CYP27A1: variants seen among roughly 807,000 people sequenced by gnomAD.
CYP27A1 encodes sterol 26-hydroxylase, mitochondrial.
CYP27A1 carries 46 observed loss-of-function variants against 58.2 expected under a neutral mutation model. That is an observed-to-expected ratio of 0.79 (90% CI 0.62 to 1.01). The LOEUF is 1.01. Ranked by LOEUF, CYP27A1 falls within the 50% of genes least tolerant of loss-of-function variation. The probability of loss-of-function intolerance (pLI) is 0.00; values close to 1 mark genes in which losing one functional copy is unlikely to be tolerated. For missense variants in CYP27A1, 704 were observed against 687.0 expected (o/e 1.02, Z -0.28); for synonymous variants, 274 against 285.1 (o/e 0.96, Z 0.39).
At position 218,814,670 on chromosome 2, in the gene CYP27A1, A is replaced by C; in HGVS notation, c.1389A>C (p.Pro463=). 3 of 1,614,062 alleles carry C rather than the reference A, an allele frequency of 1.9e-6. No homozygotes were observed. Among genetic ancestry groups the C allele is most frequent in the African/African-American group, 1.3e-5 (1 of 75,000 alleles). ...SQPATPRIQH[P]FGSVPFGYGV... Reference sequence around the variant, plus strand: ...CTGCTACCCCCAGGATCCAGCACCCATTTGGCTCTGTGCCCTTTGGCTATG... The same window carrying C: ...CTGCTACCCCCAGGATCCAGCACCCCTTTGGCTCTGTGCCCTTTGGCTATG... The change falls in exon 8 of 9, where the codon CCA becomes CCC. Residue 463 remains proline, a synonymous_variant. Coordinates refer to ENST00000258415, the MANE Select transcript of CYP27A1 (RefSeq NM_000784.4).
At position 218,814,743 on chromosome 2, in the gene CYP27A1, C is replaced by T. The variant is rs1943770169; in HGVS notation, c.1462C>T (p.Leu488=). The part of the protein sequence containing the change: ...GRRIAELEMQ[L]LLARLIQKYK... ...CAGGATTGCAGAGCTGGAGATGCAG[C>T]TACTCCTCGCAAGGGTGAGCTGGGA... The change falls in exon 8 of 9, where the codon CTA becomes TTA. Residue 488 remains leucine, a synonymous_variant. Coordinates refer to ENST00000258415, the MANE Select transcript of CYP27A1 (RefSeq NM_000784.4). 6.2e-7 allele frequency: 1 copy of T among 1,614,132 alleles called. No individual in the cohort carries two copies. Among genetic ancestry groups the T allele is most frequent in the Non-Finnish European group, 8.5e-7 (1 of 1,180,028 alleles).
At chr2:218,799,624 G>A (rs1336367501) in intron 1 of CYP27A1, among the ~76,000 whole-genome samples, 1 of 151,918 alleles carries the variant, frequency 6.6e-6, no homozygotes, top group Non-Finnish European at 1.5e-5. Context: ...CTTTCTCTCG[G>A]GTAACCTCAC....
At chr2:218,801,513 A>T (rs923926519) in intron 1 of CYP27A1, among the ~76,000 whole-genome samples, 1 of 151,574 alleles carries the variant, frequency 6.6e-6, no homozygotes, top group Non-Finnish European at 1.5e-5. Context: ...CTCAAAAAAA[A>T]CCCAAAAAAC....
chr2:218,786,595 T>C (rs187944700), intron 1 of CYP27A1, among the ~76,000 whole-genome samples: 1 of 152,248 alleles, frequency 6.6e-6, no homozygotes, highest in East Asian at 1.9e-4. Flanking sequence ...TATGTTGCAT[T>C]TATGCCAAAT....
At chr2:218,787,826 C>T (rs1943454434) in intron 1 of CYP27A1, among the ~76,000 whole-genome samples, 1 of 152,156 alleles carries the variant, frequency 6.6e-6, no homozygotes, top group South Asian at 2.1e-4. Flanking sequence ...ATTACCCAGC[C>T]TCAGATATTC....
At chr2:218,783,550 C>G (rs1034677395) in intron 1 of CYP27A1, among the ~76,000 whole-genome samples, 7 of 152,272 alleles carry the variant, frequency 4.6e-5, no homozygotes, top group Admixed American at 4.6e-4. Context: ...AGGCATGGTT[C>G]CAAGTACTGG....
intron 1 of CYP27A1, among the ~76,000 whole-genome samples, chr2:218,789,804 C>A (rs1579401): frequency 0.15 from 22,982 of 152,106 alleles, 3,439 homozygotes; most frequent in African/African-American, 0.39. Context: ...TTTATTTGGT[C>A]TTGGAACCCA....
intron 6 of CYP27A1, 65 bp downstream of exon 6, chr2:218,814,252 A>G (rs1216601671): frequency 1.9e-6 from 3 of 1,610,464 alleles, no homozygotes; most frequent in African/African-American, 2.7e-5. Context: ...AGAGGAGGAA[A>G]TCTGAAGTGA....
intron 5 of CYP27A1, 47 bp from the exon 6 acceptor site, chr2:218,813,974 T>C (rs1276999752): frequency 6.2e-7 from 1 of 1,611,504 alleles, no homozygotes; most frequent in Non-Finnish European, 8.5e-7. Context: ...ATTACTGGCC[T>C]CTTTCCTAGA....
rs370868184 is a variant in CYP27A1 at position 218,814,624 on chromosome 2, G to A, written c.1343G>A (p.Arg448His). Residue 448 changes from arginine (R) to histidine (H), a missense_variant, in exon 8 of 9, where the codon CGC becomes CAC. By Grantham distance (29) the Arg-to-His change is conservative (BLOSUM62 0). Coordinates refer to ENST00000258415, the MANE Select transcript of CYP27A1 (RefSeq NM_000784.4). ...FSEPESFQPH[R>H]WLRNSQPATP... ...GAGCCTGAAAGCTTCCAGCCCCACC[G>A]CTGGCTGAGAAACAGCCAGCCTGCT... 92 of 1,614,068 alleles carry A rather than the reference G, an allele frequency of 5.7e-5. No homozygotes were observed. Among genetic ancestry groups the A allele is most frequent in the African/African-American group, 4.1e-4 (31 of 74,928 alleles).
In CYP27A1 at chr2:218,796,061, T is replaced by C. The variant is rs898485955; in HGVS notation, c.256-13516T>C. ...CTCCTGGGCCTGTTAGAAAGTGACA[T>C]TCTTTACTGACCACGGGTCAGGAAC... On this transcript the variant is annotated intron_variant, in intron 1 of 8. Coordinates refer to ENST00000258415, the MANE Select transcript of CYP27A1 (RefSeq NM_000784.4). Among the ~76,000 whole-genome samples the C allele has an allele frequency of 5.9e-5, 9 of 152,284 alleles. No homozygotes were observed. The East Asian group carries it at 1.5e-3, about 26-fold the overall frequency.
intron 1 of CYP27A1, among the ~76,000 whole-genome samples, chr2:218,805,464 G>T (rs1299095750): frequency 1.3e-5 from 2 of 152,292 alleles, no homozygotes; most frequent in Non-Finnish European, 1.5e-5. Context: ...TTTCAATTTA[G>T]TTGAAGAGAC....
intron 1 of CYP27A1, among the ~76,000 whole-genome samples, chr2:218,799,486 G>C (rs924176013): frequency 1.3e-5 from 2 of 152,068 alleles, no homozygotes; most frequent in Non-Finnish European, 2.9e-5. Flanking sequence ...CCAAAGAACT[G>C]CCTCAAACTC....
chr2:218,808,098 A>G (rs372917341), intron 1 of CYP27A1, among the ~76,000 whole-genome samples: 10 of 152,164 alleles, frequency 6.6e-5, no homozygotes, highest in African/African-American at 1.9e-4. Flanking sequence ...TTAAGGTGAC[A>G]TAGTATTTCA....
chr2:218,802,247 C>T (rs745364253), intron 1 of CYP27A1, among the ~76,000 whole-genome samples: 1 of 151,596 alleles, frequency 6.6e-6, no homozygotes, highest in Non-Finnish European at 1.5e-5. Flanking sequence ...CTCCCTTGTC[C>T]AAGTGTGCGC....
In CYP27A1 at chr2:218,782,514, G is replaced by T. The variant is rs955051821; in HGVS notation, c.255+77G>T. On this transcript the variant is annotated intron_variant, in intron 1 of 8. Transcript: ENST00000258415. This position sits in a 1 kb window ranked among gnomAD's most constrained non-coding sequence, Gnocchi z 4.1. Reference sequence around the variant, plus strand: ...AGAGGCTAGAGGTGAGAAGACGTTGGACAGAAAGTGAAGGCTGCAGGAACT... The same window carrying T: ...AGAGGCTAGAGGTGAGAAGACGTTGTACAGAAAGTGAAGGCTGCAGGAACT... The T allele has an allele frequency of 1.9e-6, 3 of 1,586,124 alleles. No homozygotes were observed. Among genetic ancestry groups the T allele is most frequent in the South Asian group, 1.1e-5 (1 of 89,970 alleles).
At chr2:218,794,008 A>G (rs926651820) in intron 1 of CYP27A1, among the ~76,000 whole-genome samples, 65 of 152,342 alleles carry the variant, frequency 4.3e-4, no homozygotes, top group Non-Finnish European at 6.8e-4. Context: ...GCGGACACAT[A>G]GAAGGGTGAG....
intron 1 of CYP27A1, among the ~76,000 whole-genome samples, chr2:218,788,348 G>A (rs998326891): frequency 2.0e-5 from 3 of 152,164 alleles, no homozygotes; most frequent in Admixed American, 1.3e-4. Context: ...TCCAAGAGAC[G>A]GAAAGTAGTA....
chr2:218,792,078 C>T (rs961313081), intron 1 of CYP27A1, among the ~76,000 whole-genome samples: 1 of 152,070 alleles, frequency 6.6e-6, no homozygotes, highest in African/African-American at 2.4e-5. Flanking sequence ...CACACACACA[C>T]ACACACATTT....
Sources: allele counts gnomAD v4.1 joint callset (sites outside exome capture counted in the v4.1 genomes callset), GRCh38; gene constraint gnomAD v4.1.1; non-coding constraint Gnocchi (gnomAD v3.1); transcripts MANE v1.5; gene names NCBI Gene and HGNC (gene_info 2026-07-23, HGNC 2026-07-21).